The following PAFAH1B2 variants were observed in gnomAD, a reference collection of about 807,000 sequenced individuals.
PAFAH1B2 encodes platelet activating factor acetylhydrolase 1b catalytic subunit 2, also known as platelet-activating factor acetylhydrolase IB subunit alpha2.
PAFAH1B2 carries 8 observed loss-of-function variants against 28.0 expected under a neutral mutation model. The observed-to-expected ratio is 0.29, with a 90% CI of 0.17 to 0.52. PAFAH1B2 has a LOEUF of 0.52. PAFAH1B2 is among the 20% of genes least tolerant of loss of function. The pLI is 0.97. For missense variants in PAFAH1B2, 190 were observed against 282.6 expected, an observed-to-expected ratio of 0.67 and a Z score of 2.35; for synonymous variants, 104 against 103.2, an observed-to-expected ratio of 1.01 and a Z score of -0.05.
At chr11:117,165,243 C>A (rs190361108) in intron 5 of PAFAH1B2, among the ~76,000 whole-genome samples, 223 of 150,952 alleles carry the variant, frequency 1.5e-3, no homozygotes, top group African/African-American at 4.4e-3. Context: ...TGAGCCATCA[C>A]GCCTGGCTGA....
At position 117,168,352 on chromosome 11, in the gene PAFAH1B2, C is replaced by T. The variant is rs1201890756; in HGVS notation, c.*653C>T. On this transcript the variant is annotated 3_prime_UTR_variant, in exon 6 of 6. Coordinates refer to ENST00000527958, the MANE Select transcript of PAFAH1B2 (RefSeq NM_002572.4). The stretch of plus-strand genomic sequence containing the variant: ...TTGGAGGGTATTATTTTTTATGCTG[C>T]TGAATATCATGTCTATAATAGACCC... 7 of 1,057,778 alleles carry T rather than the reference C, an allele frequency of 6.6e-6. No homozygotes were observed. Among genetic ancestry groups the T allele is most frequent in the Non-Finnish European group, 6.9e-6 (6 of 875,298 alleles). 65.5% of individuals were successfully genotyped at this position (1,057,778 alleles called of 1,614,324 possible). A position where few individuals can be genotyped will look rare whatever the true frequency, so the allele number is the denominator to read the frequency against.
rs76864222 is a variant in PAFAH1B2 at position 117,152,592 on chromosome 11, T to C, written c.81+64T>C. 7.6e-3 allele frequency: 9,480 copies of C among 1,249,878 alleles called. 508 individuals are homozygous for C. The African/African-American group carries it at 0.12, about 16-fold the overall frequency. 77.4% of individuals were successfully genotyped at this position (1,249,878 alleles called of 1,614,324 possible). ...GTCTCCAGTTTTTTGTCTGTTTTGT[T>C]TTAGTTTTTGAGACAAGGTCTCACT... On this transcript the variant is annotated intron_variant, in intron 2 of 5. Transcript: ENST00000527958.
At chr11:117,176,033 T>G (rs1243869976), downstream of PAFAH1B2, 4 of 964,942 alleles carry the variant, frequency 4.1e-6, no homozygotes, top group Non-Finnish European at 6.4e-6. Flanking sequence ...GAAACCTCTT[T>G]TGCCATCCTG....
chr11:117,169,788 AG>A lies in PAFAH1B2; in HGVS notation c.*2090del, dbSNP rs1306954769. On this transcript the variant is annotated 3_prime_UTR_variant, in exon 6 of 6. Transcript: ENST00000527958. ...GTTGTATAGCAAGAAGAATTAAGCCAGATTTTTGTGTGTGGAAAGACAGTTT... is the reference window on the plus strand; with the variant it reads ...GTTGTATAGCAAGAAGAATTAAGCCAATTTTTGTGTGTGGAAAGACAGTTT... The A allele has an allele frequency of 4.0e-5, 42 of 1,056,368 alleles. No individual in the cohort carries two copies. The highest frequency in any genetic ancestry group is 4.6e-5 in the Non-Finnish European group (40 of 873,726). 65.4% of individuals were successfully genotyped at this position (1,056,368 alleles called of 1,614,324 possible).
At chr11:117,149,444 T>TTTTTTTTTTTTTTTTTG (rs55897321) in intron 1 of PAFAH1B2, among the ~76,000 whole-genome samples, 1 of 142,328 alleles carries the variant, frequency 7.0e-6, no homozygotes, top group Non-Finnish European at 1.5e-5. Flanking sequence ...TTTTTTTTTT[T>TTTTTTTTTTTTTTTTTG]GAGATGGAGT....
At chr11:117,159,865 T>A (rs1871757) in intron 2 of PAFAH1B2, 69 bp from the exon 3 acceptor site, 861,225 of 1,118,160 alleles carry the variant, frequency 0.77, 337,563 homozygotes, top group Non-Finnish European at 0.83. Context: ...TGTTGAGAGT[T>A]CAAGCATGGG....
At chr11:117,150,936 C>T (rs961363584) in intron 1 of PAFAH1B2, among the ~76,000 whole-genome samples, 3 of 150,020 alleles carry the variant, frequency 2.0e-5, no homozygotes, top group East Asian at 2.0e-4. Context: ...TGCAGTGACC[C>T]GAGATTGCGC....
downstream of PAFAH1B2, among the ~76,000 whole-genome samples, chr11:117,171,408 C>T (rs576940558): frequency 2.0e-5 from 3 of 152,184 alleles, no homozygotes; most frequent in Admixed American, 6.5e-5. Context: ...GCCGGGCTCA[C>T]GCCTGTAATC....
intron 1 of PAFAH1B2, among the ~76,000 whole-genome samples, 156 bp from the exon 2 acceptor site, chr11:117,152,285 C>G (rs1956169319): frequency 6.6e-6 from 1 of 152,172 alleles, no homozygotes; most frequent in South Asian, 2.1e-4. Context: ...CAATTCATCT[C>G]TACAGAAAGT....
At chr11:117,145,513 G>A (rs980751455) in intron 1 of PAFAH1B2, among the ~76,000 whole-genome samples, 1 of 152,214 alleles carries the variant, frequency 6.6e-6, no homozygotes, top group Non-Finnish European at 1.5e-5. Flanking sequence ...TGCCTTGGAT[G>A]TGCCTTGTGT....
At chr11:117,162,173 G>GC (rs1326009599) in intron 4 of PAFAH1B2, among the ~76,000 whole-genome samples, 1 of 152,140 alleles carries the variant, frequency 6.6e-6, no homozygotes, top group Admixed American at 6.6e-5. Flanking sequence ...TCTCTCTGTT[G>GC]CCCAAACTAG....
rs1200823543 is a variant in PAFAH1B2, at chr11:117,170,248, A to G, written c.*2549A>G. On this transcript the variant is annotated 3_prime_UTR_variant, in exon 6 of 6. Transcript: ENST00000527958. ...ATGCACTGTCCAAGTGAAATGTCCTAGTTGTCATTGTGATTAAGGGGCCAA... is the reference window on the plus strand; with the variant it reads ...ATGCACTGTCCAAGTGAAATGTCCTGGTTGTCATTGTGATTAAGGGGCCAA... 1 of 1,061,534 alleles carries G rather than the reference A, an allele frequency of 9.4e-7. No individual in the cohort carries two copies. The highest frequency in any genetic ancestry group is 1.1e-6 in the Non-Finnish European group (1 of 877,202). The allele number at this position is 1,061,534 out of a possible 1,614,324, so 65.8% of individuals were successfully genotyped here.
Position 117,159,977 on chromosome 11 carries a change from T to C in PAFAH1B2, c.125T>C (p.Val42Ala), listed in dbSNP as rs1204378915. 6.2e-7 allele frequency: 1 copy of C among 1,614,044 alleles called. No homozygotes were observed. The highest frequency in any genetic ancestry group is 1.1e-5 in the South Asian group (1 of 91,078). Reference sequence around the variant, plus strand: ...GACTGTAAAGACAAAGAGCCTGATGTACTGTTCGTGGGAGACTCCATGGTG... The same window carrying C: ...GACTGTAAAGACAAAGAGCCTGATGCACTGTTCGTGGGAGACTCCATGGTG... Reference protein sequence around the residue: ...VLDCKDKEPDVLFVGDSMVQL... With the variant: ...VLDCKDKEPDALFVGDSMVQL... Residue 42 changes from valine to alanine, a missense_variant, in exon 3 of 6, where the codon GTA becomes GCA. Val to Ala is a moderately conservative substitution (Grantham distance 64, BLOSUM62 0). Coordinates refer to ENST00000527958, the MANE Select transcript of PAFAH1B2 (RefSeq NM_002572.4).
chr11:117,175,117 T>G (rs928229939), downstream of PAFAH1B2: 18 of 1,241,484 alleles, frequency 1.4e-5, no homozygotes, highest in Non-Finnish European at 1.7e-5. Context: ...CAGGGAAATA[T>G]AAGTCAAATA....
chr11:117,153,946 CAG>C (rs755199495), intron 2 of PAFAH1B2, among the ~76,000 whole-genome samples: 21 of 145,744 alleles, frequency 1.4e-4, no homozygotes, highest in Admixed American at 7.6e-4. Context: ...TTTTTTAAGA[CAG>C]GGCAGTATAC....
intron 1 of PAFAH1B2, among the ~76,000 whole-genome samples, chr11:117,152,119 G>C (rs1372599006): frequency 1.3e-5 from 2 of 152,054 alleles, no homozygotes; most frequent in African/African-American, 4.8e-5. Flanking sequence ...TGTGTCACTT[G>C]GTACTTACAG....
downstream of PAFAH1B2, chr11:117,176,044 A>C: frequency 1.1e-6 from 1 of 888,790 alleles, no homozygotes; most frequent in South Asian, 1.4e-5. Context: ...TGCCATCCTG[A>C]GGATTCTCTG....
chr11:117,151,605 A>G (rs1956153441), intron 1 of PAFAH1B2, among the ~76,000 whole-genome samples: 1 of 152,170 alleles, frequency 6.6e-6, no homozygotes, highest in African/African-American at 2.4e-5. Context: ...AACCAGTGCC[A>G]AGGCCTATGA....
chr11:117,171,493 G>A (rs1021998757), downstream of PAFAH1B2: 39 of 557,360 alleles, frequency 7.0e-5, no homozygotes, highest in Middle Eastern at 4.0e-4. Context: ...ACGAGATTGC[G>A]CCATTGCACT....
Sources: gnomAD v4.1 joint callset for allele counts (sites outside exome capture counted in the v4.1 genomes callset) on GRCh38, gnomAD v4.1.1 for gene constraint, MANE v1.5 for transcripts, NCBI Gene and HGNC (gene_info 2026-07-23, HGNC 2026-07-21) for gene names.